MMS19: variants seen among roughly 807,000 people sequenced by gnomAD.
MMS19 encodes the protein MMS19 nucleotide excision repair protein homolog.
In MMS19, 77 loss-of-function variants were observed where a neutral mutation model predicts 129.8. The ratio of observed to expected loss-of-function variants is 0.59; its 90% CI spans 0.49 to 0.72. The LOEUF is 0.72. Ranked by LOEUF, MMS19 falls within the 30% of genes least tolerant of loss-of-function variation. The pLI is 0.00. For synonymous variants in MMS19, 491 were observed against 502.8 expected (o/e 0.98, Z 0.31); for missense variants, 1,168 against 1,266.3 (o/e 0.92, Z 1.18).
chr10:97,458,856 G>A lies in MMS19; in HGVS notation c.3009C>T (p.Pro1003=), dbSNP rs763219338. 6.2e-7 allele frequency: 1 copy of A among 1,614,008 alleles called. No homozygotes were observed. ...GCACCAGTCTCTTCTTGTCATCCAG[G>A]GGTTTGGCTAAGGCCCGAATCACCT... is the stretch of plus-strand genomic sequence containing the variant. The part of the protein sequence containing the change: ...KPQVIRALAK[P]LDDKKRLVRK... The change falls in exon 30 of 31, where the codon CCC becomes CCT. Residue 1003 remains proline (P), a synonymous_variant. Coordinates refer to ENST00000438925, the MANE Select transcript of MMS19 (RefSeq NM_022362.5).
At chr10:97,486,556 G>C (rs186848951) in intron 1 of MMS19, among the ~76,000 whole-genome samples, 21 of 152,218 alleles carry the variant, frequency 1.4e-4, no homozygotes, top group Admixed American at 3.9e-4. Context: ...AGAAGAGAAA[G>C]ACAAATACAG....
intron 29 of MMS19, 73 bp downstream of exon 29, chr10:97,459,150 G>C: frequency 6.7e-7 from 1 of 1,484,680 alleles, no homozygotes; most frequent in Non-Finnish European, 9.1e-7. Context: ...AAGCCCACCT[G>C]ACTAAGGCAA....
At chr10:97,488,908 C>T (rs992595716) in intron 1 of MMS19, among the ~76,000 whole-genome samples, 1 of 152,228 alleles carries the variant, frequency 6.6e-6, no homozygotes, top group Non-Finnish European at 1.5e-5. Context: ...AATTATAGTA[C>T]ATCCATACAA....
At chr10:97,475,336 T>C (rs2035542951) in intron 8 of MMS19, among the ~76,000 whole-genome samples, 1 of 152,178 alleles carries the variant, frequency 6.6e-6, no homozygotes, top group Non-Finnish European at 1.5e-5. Flanking sequence ...AACTGATAAC[T>C]TGGTTGATTA....
Position 97,476,851 on chromosome 10 carries a change from G to C in MMS19, c.606C>G (p.Ser202=). The stretch of plus-strand genomic sequence containing the variant: ...ACGATATACCCAGGCTATAGTCCCT[G>C]GAGATGAGGTCATGGACGATGCGGA... The part of the protein sequence containing the change: ...VAFRIVHDLI[S]RDYSLGPFVE... The change falls in exon 7 of 31, where the codon TCC becomes TCG. Residue 202 remains serine, a synonymous_variant. Coordinates refer to ENST00000438925, the MANE Select transcript of MMS19 (RefSeq NM_022362.5). 6.2e-7 allele frequency: 1 copy of C among 1,613,972 alleles called. No individual in the cohort carries two copies. The highest frequency in any genetic ancestry group is 8.5e-7 in the Non-Finnish European group (1 of 1,179,882).
chr10:97,462,206 T>C (rs2133315856), intron 20 of MMS19, 87 bp from the exon 21 acceptor site: 1 of 904,254 alleles, frequency 1.1e-6, no homozygotes, highest in Non-Finnish European at 1.8e-6. Context: ...ACCTAGGGTT[T>C]GAATTAGGAT....
At chr10:97,478,013 C>T (rs1459894709) in intron 4 of MMS19, 84 bp from the exon 5 acceptor site, 5 of 854,448 alleles carry the variant, frequency 5.9e-6, no homozygotes, top group Non-Finnish European at 9.1e-6. Context: ...GCCTAATTAG[C>T]TACTGTAAGA....
chr10:97,497,076 T>C (rs1053413754), intron 1 of MMS19, among the ~76,000 whole-genome samples: 5 of 152,246 alleles, frequency 3.3e-5, no homozygotes, highest in Admixed American at 2.0e-4. Flanking sequence ...TTCATAAAAT[T>C]GTAAGATGTT....
At chr10:97,463,230 G>A (rs548194584) in intron 19 of MMS19, among the ~76,000 whole-genome samples, 3 of 149,696 alleles carry the variant, frequency 2.0e-5, no homozygotes, top group Non-Finnish European at 4.4e-5. Context: ...CGAGTGCAGA[G>A]GCACAATCAT....
chr10:97,490,602 A>G (rs2038703094), intron 1 of MMS19, among the ~76,000 whole-genome samples: 1 of 152,198 alleles, frequency 6.6e-6, no homozygotes, highest in Non-Finnish European at 1.5e-5. Flanking sequence ...CAGAACCTTA[A>G]CTAGTCAGCT....
At chr10:97,464,399 T>C (rs2133345796) in intron 18 of MMS19, among the ~76,000 whole-genome samples, 1 of 152,314 alleles carries the variant, frequency 6.6e-6, no homozygotes, top group African/African-American at 2.4e-5. Context: ...AAGTCTAGTA[T>C]TCATTCTACT....
Position 97,476,712 on chromosome 10 carries a change from A to ATGT in MMS19, c.652_654dup (p.Thr218dup). 1 of 1,613,954 alleles carries ATGT rather than the reference A, an allele frequency of 6.2e-7. No homozygotes were observed. The highest frequency in any genetic ancestry group is 8.5e-7 in the Non-Finnish European group (1 of 1,179,872). On this transcript the variant is annotated inframe_insertion, in exon 8 of 31. Coordinates refer to ENST00000438925, the MANE Select transcript of MMS19 (RefSeq NM_022362.5). ...GTAAAATCGATAGGGAAATAACAGG[A>ATGT]TGTCACTTCAAACAACTCCTCCACA...
intron 15 of MMS19, 42 bp downstream of exon 15, chr10:97,466,734 A>G: frequency 6.2e-7 from 1 of 1,613,832 alleles, no homozygotes; most frequent in Non-Finnish European, 8.5e-7. Flanking sequence ...TCTTACAAGA[A>G]AAGGACCAAT....
chr10:97,476,344 G>T (rs2035770841), intron 8 of MMS19, among the ~76,000 whole-genome samples: 1 of 152,142 alleles, frequency 6.6e-6, no homozygotes, highest in Non-Finnish European at 1.5e-5. Context: ...CTGAACTTTT[G>T]TCTTCTCTGA....
intron 4 of MMS19, 58 bp downstream of exon 4, chr10:97,478,246 A>G: frequency 1.5e-6 from 2 of 1,365,240 alleles, no homozygotes; most frequent in African/African-American, 2.9e-5. Flanking sequence ...GCGCAAGGAG[A>G]GAACTAGACA....
intron 8 of MMS19, among the ~76,000 whole-genome samples, chr10:97,476,451 C>T (rs752746749): frequency 1.3e-5 from 2 of 152,200 alleles, no homozygotes; most frequent in African/African-American, 2.4e-5. Flanking sequence ...AATCCTGTAG[C>T]CTTCAGCACT....
At chr10:97,461,102 G>A (rs1564618381) in intron 23 of MMS19, 95 bp from the exon 24 acceptor site, 6 of 1,027,468 alleles carry the variant, frequency 5.8e-6, no homozygotes, top group Admixed American at 5.5e-5. Context: ...TCCCTGAGAA[G>A]CTGTTAGAAA....
At chr10:97,496,653 A>C (rs2039851548) in intron 1 of MMS19, among the ~76,000 whole-genome samples, 1 of 152,218 alleles carries the variant, frequency 6.6e-6, no homozygotes, top group African/African-American at 2.4e-5. Context: ...GTATCGCATA[A>C]ATGTGAAAGA....
chr10:97,468,282 T>C lies in MMS19; in HGVS notation c.1188A>G (p.Leu396=). ...TGTGCTTGTGGAACTGTTCCAGCAG[T>C]AAAGGCAGTACATTGCTGGTGACAG... is the stretch of plus-strand genomic sequence containing the variant. ...CDSVTSNVLP[L]LLEQFHKHSQ... The change falls in exon 13 of 31, where the codon TTA becomes TTG. Residue 396 remains leucine (L), a synonymous_variant. Transcript: ENST00000438925. 1.2e-6 allele frequency: 2 copies of C among 1,604,680 alleles called. No homozygotes were observed. Among genetic ancestry groups the C allele is most frequent in the Non-Finnish European group, 1.7e-6 (2 of 1,174,056 alleles).
Sources: gnomAD v4.1 joint callset for allele counts (sites outside exome capture counted in the v4.1 genomes callset) on GRCh38, gnomAD v4.1.1 for gene constraint, MANE v1.5 for transcripts, NCBI Gene and HGNC (gene_info 2026-07-23, HGNC 2026-07-21) for gene names.